Variants in CREB5 observed in about 807,000 individuals in gnomAD.
The protein encoded by CREB5 is cyclic AMP-responsive element-binding protein 5.
CREB5 carries 19 observed loss-of-function variants against 57.1 expected under a neutral mutation model. The ratio of observed to expected loss-of-function variants is 0.33; its 90% CI spans 0.23 to 0.49. The LOEUF (loss-of-function observed/expected upper bound fraction) is 0.49. Ranked by LOEUF, CREB5 falls within the 20% of genes least tolerant of loss-of-function variation. The pLI is 0.99. For missense variants in CREB5, 579 were observed against 671.6 expected (o/e 0.86, Z 1.52); for synonymous variants, 238 against 238.3 (o/e 1.00, Z 0.01).
At chr7:28,809,606 A>G (rs1458165051) in intron 9 of CREB5, among the ~76,000 whole-genome samples, 192 bp downstream of exon 9, 1 of 152,174 alleles carries the variant, frequency 6.6e-6, no homozygotes, top group Non-Finnish European at 1.5e-5. Context: ...TCAGTTTTCA[A>G]TCAATTTGCC....
In CREB5 at chr7:28,679,137, G is replaced by T. The variant is rs1045243513; in HGVS notation, c.465-39616G>T. On this transcript the variant is annotated intron_variant, in intron 5 of 10. Coordinates refer to ENST00000357727, the MANE Select transcript of CREB5 (RefSeq NM_182898.4). ...ATTTTCAGGGTTATCCTGCAGATACGTAAGTAATCCTTTTCTGAGGGCCTT... is the reference window on the plus strand; with the variant it reads ...ATTTTCAGGGTTATCCTGCAGATACTTAAGTAATCCTTTTCTGAGGGCCTT... Among the ~76,000 whole-genome samples, 6 of 146,590 alleles carry T rather than the reference G, an allele frequency of 4.1e-5. No homozygotes were observed. In the Admixed American group the frequency reaches 4.2e-4, roughly 10 times the overall value.
chr7:28,554,971 T>C (rs1292227056), intron 4 of CREB5, among the ~76,000 whole-genome samples: 1 of 152,158 alleles, frequency 6.6e-6, no homozygotes, highest in Non-Finnish European at 1.5e-5. Flanking sequence ...TCACAAAAAT[T>C]AAGATAAAAG....
chr7:28,595,653 A>G (rs1211539720), intron 5 of CREB5, among the ~76,000 whole-genome samples: 1 of 152,184 alleles, frequency 6.6e-6, no homozygotes. Context: ...CCTTCTTTTT[A>G]CTTCTCAACG....
At chr7:28,614,320 C>A (rs1379098204) in intron 5 of CREB5, among the ~76,000 whole-genome samples, 1 of 152,144 alleles carries the variant, frequency 6.6e-6, no homozygotes, top group African/African-American at 2.4e-5. Flanking sequence ...GGGATTTGAT[C>A]TTTTGGTTAT....
intron 4 of CREB5, among the ~76,000 whole-genome samples, chr7:28,527,449 C>T (rs1280684338): frequency 6.6e-6 from 1 of 152,150 alleles, no homozygotes; most frequent in Non-Finnish European, 1.5e-5. Flanking sequence ...TCACTCTGTC[C>T]AGCCTGTGGC....
At chr7:28,348,649 C>T (rs1786124414) in intron 1 of CREB5, among the ~76,000 whole-genome samples, 1 of 152,166 alleles carries the variant, frequency 6.6e-6, no homozygotes, top group African/African-American at 2.4e-5. Flanking sequence ...GGCTTGCCAA[C>T]AGCATCCGTC....
chr7:28,649,235 A>G (rs1392722256), intron 5 of CREB5, among the ~76,000 whole-genome samples: 2 of 152,256 alleles, frequency 1.3e-5, no homozygotes, highest in Non-Finnish European at 2.9e-5. Flanking sequence ...GAATTGGTAA[A>G]CCATGGCCCA....
rs141179575 is a variant in CREB5 at position 28,400,640 on chromosome 7, A to G, written c.-24-94266A>G. ...TGATATCCACAGTGGGTAATATTCA[A>G]GATTCAAATGAAGTTCAGAGTAACT... is the stretch of plus-strand genomic sequence containing the variant. On this transcript the variant is annotated intron_variant, in intron 1 of 9. Transcript: ENST00000396299. Among the ~76,000 whole-genome samples the G allele has an allele frequency of 2.1e-3, 321 of 152,334 alleles. 2 individuals are homozygous for G. The highest frequency in any genetic ancestry group is 7.4e-3 in the African/African-American group (306 of 41,584).
chr7:28,478,267 A>G lies in CREB5; in HGVS notation c.4-9908A>G, dbSNP rs185447910. Reference sequence around the variant, plus strand: ...ATGAGATCAGTATCCTCCTCATGGTACAATACGAGCTAGGCATGAGTTTTG... The same window carrying G: ...ATGAGATCAGTATCCTCCTCATGGTGCAATACGAGCTAGGCATGAGTTTTG... On this transcript the variant is annotated intron_variant, in intron 1 of 10. Transcript: ENST00000357727. 2.9e-3 allele frequency among the ~76,000 whole-genome samples: 438 copies of G among 152,230 alleles called. 3 individuals are homozygous for G. The highest frequency in any genetic ancestry group is 9.8e-3 in the African/African-American group (409 of 41,546).
At chr7:28,762,923 T>C (rs761430346) in intron 7 of CREB5, among the ~76,000 whole-genome samples, 3 of 152,156 alleles carry the variant, frequency 2.0e-5, no homozygotes, top group Non-Finnish European at 4.4e-5. Flanking sequence ...AAATACAGTG[T>C]CCCAAAAGAT....
rs370561856 is a variant in CREB5 at position 28,822,330 on chromosome 7, C to G, written c.*3051C>G. 4 of 152,590 alleles carry G rather than the reference C, an allele frequency of 2.6e-5. No homozygotes were observed. Among genetic ancestry groups the G allele is most frequent in the African/African-American group, 9.6e-5 (4 of 41,554 alleles). 9.5% of individuals were successfully genotyped at this position (152,590 alleles called of 1,614,324 possible). A position where few individuals can be genotyped will look rare whatever the true frequency, so the allele number is the denominator to read the frequency against. ...TGGCTTATCAATATTAAGTCTTTTACCTAAAGGCCCAGCCGTCACCAGACA... is the reference window on the plus strand; with the variant it reads ...TGGCTTATCAATATTAAGTCTTTTAGCTAAAGGCCCAGCCGTCACCAGACA... On this transcript the variant is annotated 3_prime_UTR_variant, in exon 11 of 11. Coordinates refer to ENST00000357727, the MANE Select transcript of CREB5 (RefSeq NM_182898.4).
rs559746686 is a variant in CREB5, at chr7:28,568,912, C to G, written c.292-1453C>G. ...ACTTCAAAGGACCACTTCTAGTTCT[C>G]TTGGGTAACATTTATTTTTTCTTTG... is the stretch of plus-strand genomic sequence containing the variant. On this transcript the variant is annotated intron_variant, in intron 4 of 10. Coordinates refer to ENST00000357727, the MANE Select transcript of CREB5 (RefSeq NM_182898.4). Among the ~76,000 whole-genome samples the G allele has an allele frequency of 5.9e-4, 90 of 152,334 alleles. 1 individual carries two copies. Among genetic ancestry groups the G allele is most frequent in the African/African-American group, 2.1e-3 (86 of 41,574 alleles).
At chr7:28,358,836 A>C (rs1001935049) in intron 1 of CREB5, among the ~76,000 whole-genome samples, 9 of 152,196 alleles carry the variant, frequency 5.9e-5, no homozygotes, top group African/African-American at 1.9e-4. Flanking sequence ...CCTGAGATGA[A>C]GCCTGAAGGA....
chr7:28,785,632 A>G (rs1807278369), intron 7 of CREB5, among the ~76,000 whole-genome samples: 1 of 152,190 alleles, frequency 6.6e-6, no homozygotes, highest in Non-Finnish European at 1.5e-5. Context: ...GTTTGATTAT[A>G]TTCTTATACT....
chr7:28,738,508 T>C (rs150917294), intron 7 of CREB5, among the ~76,000 whole-genome samples: 155 of 152,360 alleles, frequency 1.0e-3, no homozygotes, highest in East Asian at 8.9e-3. Context: ...TGAGTTCAGC[T>C]GTTCGGTAGA....
chr7:28,355,480 A>G (rs796677609), intron 1 of CREB5, among the ~76,000 whole-genome samples: 16 of 152,346 alleles, frequency 1.1e-4, no homozygotes, highest in African/African-American at 3.6e-4. Flanking sequence ...ATATTACAAC[A>G]TACTTTTCCT....
chr7:28,570,029 C>G (rs1795634438), intron 4 of CREB5, among the ~76,000 whole-genome samples: 1 of 152,170 alleles, frequency 6.6e-6, no homozygotes, highest in Admixed American at 6.5e-5. Context: ...TATGCACTTA[C>G]CACAAAAATC....
chr7:28,670,221 TAAC>T (rs1799978088), intron 5 of CREB5, among the ~76,000 whole-genome samples: 3 of 152,196 alleles, frequency 2.0e-5, no homozygotes, highest in African/African-American at 7.2e-5. Context: ...AATAAGAGAC[TAAC>T]AACAATACCT....
At chr7:28,404,525 A>T (rs1787537863) in intron 1 of CREB5, among the ~76,000 whole-genome samples, 1 of 152,174 alleles carries the variant, frequency 6.6e-6, no homozygotes, top group South Asian at 2.1e-4. Context: ...GAAACAGCAG[A>T]CATGCCGTGA....
Sources: allele counts gnomAD v4.1 joint callset (sites outside exome capture counted in the v4.1 genomes callset), GRCh38; gene constraint gnomAD v4.1.1; transcripts MANE v1.5; gene names NCBI Gene and HGNC (gene_info 2026-07-23, HGNC 2026-07-21).